MGST1: variants seen among roughly 807,000 people sequenced by gnomAD.
MGST1 encodes microsomal glutathione S-transferase 1.
Under a neutral mutation model 8.9 loss-of-function variants are expected in MGST1, and 5 were observed. The observed-to-expected ratio is 0.56, with a 90% confidence interval of 0.29 to 1.19. The LOEUF (loss-of-function observed/expected upper bound fraction) is 1.19. Among genes scored for constraint, MGST1 ranks in the 50% most tolerant of loss-of-function variants. The pLI is 0.08. For missense variants in MGST1, 182 were observed against 187.4 expected, an observed-to-expected ratio of 0.97 and a Z score of 0.17; for synonymous variants, 54 against 67.8, an observed-to-expected ratio of 0.80 and a Z score of 1.00.
chr12:16,582,484 A>G lies in MGST1; in HGVS notation n.483-7044A>G, dbSNP rs191312105. On this transcript the variant is annotated intron_variant and non_coding_transcript_variant, in intron 4 of 4. Transcript: ENST00000538857. The surrounding 1 kb of genome is among the most constrained non-coding windows in gnomAD (Gnocchi z 4.1). ...TGTATTAGAGTTATGTTAGTTTTGC[A>G]TAAGCTGCTTTACATATTTTGAACT... Among the ~76,000 whole-genome samples, 53 of 152,302 alleles carry G rather than the reference A, an allele frequency of 3.5e-4. No individual in the cohort carries two copies. The highest frequency in any genetic ancestry group is 1.3e-3 in the African/African-American group (53 of 41,566).
At chr12:16,418,622 A>C (rs1940806015) in intron 1 of MGST1, among the ~76,000 whole-genome samples, 1 of 152,144 alleles carries the variant, frequency 6.6e-6, no homozygotes, top group Non-Finnish European at 1.5e-5. Context: ...CTGAGAAATA[A>C]GAAGATAAAA....
intron 1 of MGST1, among the ~76,000 whole-genome samples, chr12:16,390,343 A>T: frequency 6.6e-6 from 1 of 152,252 alleles, no homozygotes; most frequent in Admixed American, 6.5e-5. Context: ...TATTTGCTAT[A>T]TAGGCAAACT....
intron 4 of MGST1, among the ~76,000 whole-genome samples, chr12:16,530,048 A>G (rs752198404): frequency 6.6e-6 from 1 of 152,118 alleles, no homozygotes; most frequent in Non-Finnish European, 1.5e-5. Flanking sequence ...CTCAGAGCAA[A>G]TAGAATGGAC....
chr12:16,542,049 G>GTCA (rs1171475296), intron 4 of MGST1, among the ~76,000 whole-genome samples: 1 of 152,112 alleles, frequency 6.6e-6, no homozygotes, highest in African/African-American at 2.4e-5. Flanking sequence ...CATTCTCTTG[G>GTCA]TCATCTGTGC....
chr12:16,375,459 T>G (rs1318483760), intron 3 of MGST1, among the ~76,000 whole-genome samples: 1 of 152,110 alleles, frequency 6.6e-6, no homozygotes, highest in Non-Finnish European at 1.5e-5. Flanking sequence ...AAAGGAACTA[T>G]CCGAAGTGGT....
chr12:16,404,571 AATT>A (rs1940684257), intron 1 of MGST1, among the ~76,000 whole-genome samples: 1 of 151,918 alleles, frequency 6.6e-6, no homozygotes, highest in Non-Finnish European at 1.5e-5. Flanking sequence ...TTATTCTGTA[AATT>A]TCTACAGGCA....
rs979904659 is a variant in MGST1, at chr12:16,413,378, A to G, written n.779-24010A>G. Among the ~76,000 whole-genome samples the G allele has an allele frequency of 2.6e-5, 4 of 152,218 alleles. No homozygotes were observed. Among genetic ancestry groups the G allele is most frequent in the African/African-American group, 9.6e-5 (4 of 41,452 alleles). ...CCTGCAGCAAAAAAGACATCTGTTC[A>G]TCCCGCAAGATTTTGCTAACTCTCA... On this transcript the variant is annotated intron_variant and non_coding_transcript_variant, in intron 1 of 1. Transcript: ENST00000359720. This position sits in a 1 kb window ranked among gnomAD's most constrained non-coding sequence, Gnocchi z 4.0.
downstream of MGST1, among the ~76,000 whole-genome samples, chr12:16,442,985 C>T (rs1398047267): frequency 1.3e-5 from 2 of 151,748 alleles, no homozygotes; most frequent in East Asian, 1.9e-4. The surrounding 1 kb of genome is among the most constrained non-coding windows in gnomAD (Gnocchi z 4.5). Context: ...ATTGTAACTG[C>T]ATATATGCCT....
chr12:16,404,503 CTT>C (rs1057338278), intron 1 of MGST1, among the ~76,000 whole-genome samples: 19 of 151,512 alleles, frequency 1.3e-4, no homozygotes, highest in African/African-American at 4.6e-4. Flanking sequence ...ATTATTTATT[CTT>C]TTTTCTCTAT....
chr12:16,511,664 G>C (rs184290643), intron 4 of MGST1, among the ~76,000 whole-genome samples: 25 of 152,294 alleles, frequency 1.6e-4, no homozygotes, highest in Non-Finnish European at 2.5e-4. Flanking sequence ...AGAAGGGAGA[G>C]AATGCAAAGA....
chr12:16,401,441 C>A lies in MGST1; in HGVS notation n.778+17837C>A. ...TGCTTTTTAGCCACGTCCATGACAG[C>A]ATTATATACATCACATATCTTCACA... On this transcript the variant is annotated intron_variant and non_coding_transcript_variant, in intron 1 of 1. Transcript: ENST00000359720. This position sits in a 1 kb window ranked among gnomAD's most constrained non-coding sequence, Gnocchi z 4.3. 2.4e-6 allele frequency: 2 copies of A among 843,540 alleles called. No individual in the cohort carries two copies. The allele number at this position is 843,540 out of a possible 1,614,324, so 52.3% of individuals were successfully genotyped here. A position where few individuals can be genotyped will look rare whatever the true frequency, so the allele number is the denominator to read the frequency against.
chr12:16,452,903 A>G (rs1175468816), intron 4 of MGST1, among the ~76,000 whole-genome samples: 2 of 151,862 alleles, frequency 1.3e-5, no homozygotes, highest in Non-Finnish European at 2.9e-5. Flanking sequence ...AGATGTGCCT[A>G]AATTATCAAT....
chr12:16,405,932 G>A (rs1446108213), intron 1 of MGST1, among the ~76,000 whole-genome samples: 1 of 152,178 alleles, frequency 6.6e-6, no homozygotes, highest in Non-Finnish European at 1.5e-5. Flanking sequence ...AGTCATCTAT[G>A]ACAAACTCAC....
intron 4 of MGST1, among the ~76,000 whole-genome samples, chr12:16,509,290 C>T (rs1342372010): frequency 1.3e-5 from 2 of 152,060 alleles, no homozygotes; most frequent in Admixed American, 1.3e-4. Context: ...TATGAATATA[C>T]AAACAATAGA....
downstream of MGST1, among the ~76,000 whole-genome samples, chr12:16,379,807 T>G (rs1401073524): frequency 2.6e-5 from 4 of 152,226 alleles, no homozygotes; most frequent in Non-Finnish European, 5.9e-5. Context: ...AGCTATTGAT[T>G]ATTGCCTCAA....
chr12:16,353,799 G>A (rs895433231), intron 1 of MGST1, among the ~76,000 whole-genome samples: 2 of 124,558 alleles, frequency 1.6e-5, no homozygotes, highest in Non-Finnish European at 3.2e-5. Flanking sequence ...TCTCTCTGTC[G>A]CCCAGGCTAC....
chr12:16,452,128 A>G (rs1941133729), intron 4 of MGST1, among the ~76,000 whole-genome samples: 1 of 151,856 alleles, frequency 6.6e-6, no homozygotes, highest in Non-Finnish European at 1.5e-5. Context: ...TGACAGAGGA[A>G]CTAAACGTGG....
In MGST1 at chr12:16,354,171, C is replaced by G. The variant is rs1158111338; in HGVS notation, c.-22-60C>G. 4.1e-6 allele frequency: 5 copies of G among 1,224,604 alleles called. No homozygotes were observed. The East Asian group carries it at 1.2e-4, about 30-fold the overall frequency. The allele number at this position is 1,224,604 out of a possible 1,614,324, so 75.9% of individuals were successfully genotyped here. On this transcript the variant is annotated intron_variant, in intron 1 of 3. Coordinates refer to ENST00000396210, the MANE Select transcript of MGST1 (RefSeq NM_020300.5). ...CTGCAATATAAGAACATCAAATGAT[C>G]TTCCAGTTATTTTGGGTATTTATGT... is the stretch of plus-strand genomic sequence containing the variant.
chr12:16,572,651 T>G (rs1406202054), intron 4 of MGST1, among the ~76,000 whole-genome samples: 1 of 148,244 alleles, frequency 6.7e-6, no homozygotes, highest in African/African-American at 2.4e-5. Context: ...TATATTTAAG[T>G]CAGTTACCTC....
Sources: gnomAD v4.1 joint callset for allele counts (sites outside exome capture counted in the v4.1 genomes callset) on GRCh38, gnomAD v4.1.1 for gene constraint, Gnocchi (gnomAD v3.1) non-coding constraint, MANE v1.5 for transcripts, NCBI Gene and HGNC (gene_info 2026-07-23, HGNC 2026-07-21) for gene names.